Variants in OR51B5 observed in about 807,000 individuals in gnomAD.
The protein encoded by OR51B5 is olfactory receptor 51B5.
For synonymous variants in OR51B5, 186 were observed against 144.8 expected, an observed-to-expected ratio of 1.28 and a Z score of -2.04; for missense variants, 456 against 374.6, an observed-to-expected ratio of 1.22 and a Z score of -1.79.
intron 1 of OR51B5, among the ~76,000 whole-genome samples, chr11:5,437,645 C>T (rs1353971596): frequency 1.3e-5 from 2 of 152,168 alleles, no homozygotes; most frequent in South Asian, 2.1e-4. Context: ...AAGGATAGCA[C>T]CTAACTACAA....
rs148729409 is a variant in OR51B5, at chr11:5,410,227, C to A, written n.85-63317G>T. On this transcript the variant is annotated intron_variant and non_coding_transcript_variant, in intron 1 of 4. Transcript: ENST00000415970. ...GTAAATATGTAGAAGAAAGCAAACA[C>A]TGACTGAAAAAAACAATAATACTCA... Among the ~76,000 whole-genome samples, 1,048 of 152,050 alleles carry A rather than the reference C, an allele frequency of 6.9e-3. 58 individuals are homozygous for A. Among genetic ancestry groups the A allele is most frequent in the Admixed American group, 0.065 (988 of 15,280 alleles).
At chr11:5,423,672 A>G (rs1471700390) in intron 1 of OR51B5, among the ~76,000 whole-genome samples, 2 of 152,172 alleles carry the variant, frequency 1.3e-5, no homozygotes, top group African/African-American at 2.4e-5. Context: ...TGCCATTCAG[A>G]TTTACCTAAT....
chr11:5,390,176 G>T (rs774673987), intron 1 of OR51B5: 1 of 1,614,006 alleles, frequency 6.2e-7, no homozygotes, highest in Non-Finnish European at 8.5e-7. Context: ...TCTCTGTGCT[G>T]TGCTAGTATT....
intron 1 of OR51B5, among the ~76,000 whole-genome samples, chr11:5,394,603 A>C (rs1849840729): frequency 6.6e-6 from 1 of 152,218 alleles, no homozygotes; most frequent in Non-Finnish European, 1.5e-5. Flanking sequence ...ATGTAATTGA[A>C]GTTCACAGAA....
intron 1 of OR51B5, among the ~76,000 whole-genome samples, chr11:5,401,374 C>T (rs1388039510): frequency 3.3e-5 from 5 of 152,170 alleles, no homozygotes; most frequent in African/African-American, 1.2e-4. Context: ...AACGTAGGTT[C>T]CTTCTCCTTC....
intron 1 of OR51B5, among the ~76,000 whole-genome samples, chr11:5,423,877 T>C (rs1850399276): frequency 6.6e-6 from 1 of 152,196 alleles, no homozygotes; most frequent in Non-Finnish European, 1.5e-5. Flanking sequence ...CAAACTTCTT[T>C]CTTGTGGGAA....
At chr11:5,407,530 T>C (rs1002816724) in intron 1 of OR51B5, among the ~76,000 whole-genome samples, 5 of 152,190 alleles carry the variant, frequency 3.3e-5, no homozygotes, top group African/African-American at 7.2e-5. Flanking sequence ...TTTTTGAAGA[T>C]TTCTCACCCG....
chr11:5,470,612 T>C (rs866944701), intron 1 of OR51B5, among the ~76,000 whole-genome samples: 2 of 152,346 alleles, frequency 1.3e-5, no homozygotes, highest in South Asian at 4.1e-4. Flanking sequence ...ATGTGCAAAA[T>C]TGAACTTTAT....
intron 1 of OR51B5, among the ~76,000 whole-genome samples, chr11:5,400,329 GA>G (rs1354810629): frequency 1.3e-5 from 2 of 151,972 alleles, no homozygotes; most frequent in African/African-American, 4.8e-5. Flanking sequence ...GCAAAAATAT[GA>G]AAAAATAAAT....
chr11:5,404,100 C>G (rs1323774770), intron 1 of OR51B5, among the ~76,000 whole-genome samples: 1 of 146,502 alleles, frequency 6.8e-6, no homozygotes, highest in Non-Finnish European at 1.5e-5. Context: ...TTCTGGGATT[C>G]TCCCATCCAG....
At chr11:5,411,388 G>C (rs1850146860) in intron 1 of OR51B5, among the ~76,000 whole-genome samples, 2 of 152,014 alleles carry the variant, frequency 1.3e-5, no homozygotes, top group African/African-American at 4.8e-5. Flanking sequence ...TACCATCTAG[G>C]CTTGTGTGAG....
At chr11:5,409,517 AT>A (rs1319108076) in intron 1 of OR51B5, among the ~76,000 whole-genome samples, 2 of 148,852 alleles carry the variant, frequency 1.3e-5, no homozygotes, top group Non-Finnish European at 1.5e-5. Flanking sequence ...CTAAAAAAAA[AT>A]CTATCAAAAT....
At chr11:5,399,159 C>G (rs550686763) in intron 1 of OR51B5, among the ~76,000 whole-genome samples, 1 of 152,290 alleles carries the variant, frequency 6.6e-6, no homozygotes, top group Non-Finnish European at 1.5e-5. Flanking sequence ...GTTTTGCCAT[C>G]ATATTATCTT....
exon 1 of OR51B5, chr11:5,342,817 G>A (rs753887613): frequency 8.7e-6 from 14 of 1,613,458 alleles, no homozygotes; most frequent in South Asian, 1.1e-5. Flanking sequence ...CACAGGTAAT[G>A]AGAGCCTTGG....
At chr11:5,352,528 G>A in intron 1 of OR51B5, 1 of 844,804 alleles carries the variant, frequency 1.2e-6, no homozygotes, top group South Asian at 1.6e-5. Flanking sequence ...ACTAGGGAAA[G>A]TCATTTCAAT....
chr11:5,473,592 A>G (rs1382462885), intron 1 of OR51B5, among the ~76,000 whole-genome samples: 2 of 152,184 alleles, frequency 1.3e-5, no homozygotes, highest in East Asian at 1.9e-4. Flanking sequence ...TGACACAGTT[A>G]GCTCATTTAG....
chr11:5,445,926 T>C (rs559600822), intron 1 of OR51B5, among the ~76,000 whole-genome samples: 15 of 152,012 alleles, frequency 9.9e-5, no homozygotes, highest in Admixed American at 8.5e-4. Flanking sequence ...AATGCAGCCA[T>C]AAAAAATGCT....
chr11:5,373,936 G>A (rs1849482263), intron 1 of OR51B5, among the ~76,000 whole-genome samples: 1 of 152,306 alleles, frequency 6.6e-6, no homozygotes, highest in Admixed American at 6.5e-5. Flanking sequence ...AGTAACCTCT[G>A]CAGACTTAAA....
At chr11:5,442,718 T>G (rs1850709225) in intron 1 of OR51B5, among the ~76,000 whole-genome samples, 2 of 152,172 alleles carry the variant, frequency 1.3e-5, no homozygotes, top group Non-Finnish European at 2.9e-5. Context: ...GGATTCAATC[T>G]TACTTACATT....
Sources: allele counts gnomAD v4.1 joint callset (sites outside exome capture counted in the v4.1 genomes callset), GRCh38; gene constraint gnomAD v4.1.1; transcripts MANE v1.5; gene names NCBI Gene and HGNC (gene_info 2026-07-23, HGNC 2026-07-21).